Variants in ITGAL observed in about 807,000 individuals in gnomAD.
ITGAL encodes the protein integrin alpha-L.
ITGAL carries 68 observed loss-of-function variants against 138.4 expected under a neutral mutation model. The observed-to-expected ratio is 0.49, with a 90% CI of 0.40 to 0.60. The LOEUF is 0.60. Ranked by LOEUF, ITGAL falls within the 20% of genes least tolerant of loss-of-function variation. ITGAL has a pLI of 0.00. For missense variants in ITGAL, 1,256 were observed against 1,478.6 expected (o/e 0.85, Z 2.47); for synonymous variants, 561 against 584.3 (o/e 0.96, Z 0.57).
Position 30,506,821 on chromosome 16 carries a change from C to T in ITGAL, c.2473C>T (p.Pro825Ser). 3 of 1,613,972 alleles carry T rather than the reference C, an allele frequency of 1.9e-6. No individual in the cohort carries two copies. Among genetic ancestry groups the T allele is most frequent in the Non-Finnish European group, 2.5e-6 (3 of 1,179,914 alleles). The change falls in exon 21 of 31, where the codon CCG becomes TCG. Residue 825 changes from proline (P) to serine (S), a missense_variant. This residue lies in a region of ITGAL where 867 missense variants were observed against 972.5 expected (regional missense o/e 0.89). Coordinates refer to ENST00000356798, the MANE Select transcript of ITGAL (RefSeq NM_002209.3). ...YWVQLDLHFP[P>S]GLSFRKVEML... ...GGTCCAGCTGGACCTGCACTTCCCCCCGGGACTCTCCTTCCGCAAGGTGGA... is the reference window on the plus strand; with the variant it reads ...GGTCCAGCTGGACCTGCACTTCCCCTCGGGACTCTCCTTCCGCAAGGTGGA...
intron 9 of ITGAL, among the ~76,000 whole-genome samples, chr16:30,486,586 G>A (rs569835950): frequency 6.6e-6 from 1 of 152,268 alleles, no homozygotes; most frequent in South Asian, 2.1e-4. Context: ...AGCAATGTGA[G>A]AAAGGTGGAA....
In ITGAL at chr16:30,496,583, A is replaced by G. The variant is rs2050804177; in HGVS notation, c.1832+17A>G. ...CGTGCTGAGGTGAGATGGGTCTCCC[A>G]GGTCACACCTGATGACCCCAGCTCT... On this transcript the variant is annotated intron_variant, in intron 15 of 30. Coordinates refer to ENST00000356798, the MANE Select transcript of ITGAL (RefSeq NM_002209.3). The G allele has an allele frequency of 1.2e-6, 2 of 1,603,094 alleles. No homozygotes were observed. The highest frequency in any genetic ancestry group is 2.7e-5 in the African/African-American group (2 of 74,408).
At chr16:30,510,824 C>A in intron 22 of ITGAL, 57 bp from the exon 23 acceptor site, 1 of 1,301,022 alleles carries the variant, frequency 7.7e-7, no homozygotes, top group Non-Finnish European at 1.1e-6. Flanking sequence ...GATGTGGGGG[C>A]CATGAGGCTG....
rs977872762 is a variant in ITGAL at position 30,475,440 on chromosome 16, G to A, written c.259+40G>A. 5 of 1,602,804 alleles carry A rather than the reference G, an allele frequency of 3.1e-6. No individual in the cohort carries two copies. In the African/African-American group the frequency reaches 4.0e-5, roughly 13 times the overall value. ...GGTGAGCTGGGAGGAATGGGATCTT[G>A]GGGAAACTGAGGCTGGCCCCAGCCC... On this transcript the variant is annotated intron_variant, in intron 3 of 30. Coordinates refer to ENST00000356798, the MANE Select transcript of ITGAL (RefSeq NM_002209.3).
intron 11 of ITGAL, among the ~76,000 whole-genome samples, chr16:30,492,824 G>A (rs1391752178): frequency 2.0e-5 from 3 of 152,040 alleles, no homozygotes; most frequent in South Asian, 2.1e-4. Flanking sequence ...GATTACAGGC[G>A]TGAGCCACCG....
At chr16:30,500,688 T>A (rs1279288759) in intron 17 of ITGAL, among the ~76,000 whole-genome samples, 1 of 152,094 alleles carries the variant, frequency 6.6e-6, no homozygotes, top group Non-Finnish European at 1.5e-5. Flanking sequence ...TAGCTAGGAC[T>A]ACAGGCATGC....
Position 30,494,824 on chromosome 16 carries a change from C to T in ITGAL, c.1477C>T (p.Arg493Trp), listed in dbSNP as rs1050241349. 17 of 1,605,214 alleles carry T rather than the reference C, an allele frequency of 1.1e-5. No individual in the cohort carries two copies. Among genetic ancestry groups the T allele is most frequent in the Middle Eastern group, 1.7e-4 (1 of 6,014 alleles). ...PLFYGEQRGG[R>W]VFIYQRRQLG... ...GTTCTATGGGGAGCAGAGAGGAGGC[C>T]GGGTGTTTATCTACCAGAGAAGACA... Residue 493 changes from arginine to tryptophan, a missense_variant, in exon 13 of 31, where the codon CGG becomes TGG. Arg to Trp is a moderately radical substitution (Grantham distance 101). Coordinates refer to ENST00000356798, the MANE Select transcript of ITGAL (RefSeq NM_002209.3). This position sits in a 1 kb window ranked among gnomAD's most constrained non-coding sequence, Gnocchi z 4.2.
intron 17 of ITGAL, chr16:30,503,944 AGT>A (rs963815780): frequency 5.1e-6 from 2 of 394,688 alleles, no homozygotes; most frequent in African/African-American, 4.2e-5. Flanking sequence ...GGGATTGATT[AGT>A]GATGTCTGCT....
intron 15 of ITGAL, among the ~76,000 whole-genome samples, chr16:30,498,281 T>C (rs927449648): frequency 6.7e-5 from 7 of 104,976 alleles, no homozygotes; most frequent in African/African-American, 1.8e-4. Flanking sequence ...AAAAAAAAAA[T>C]AGGAGCCAGG....
chr16:30,506,426 G>A (rs977530046), intron 20 of ITGAL, among the ~76,000 whole-genome samples: 1 of 150,866 alleles, frequency 6.6e-6, no homozygotes, highest in Non-Finnish European at 1.5e-5. Flanking sequence ...GGGCATGGTG[G>A]TGGGCGCCCG....
At position 30,483,914 on chromosome 16, in the gene ITGAL, TGGCAACATCGATGC is replaced by T; in HGVS notation, c.814_827del (p.Asn272GlnfsTer42). 1 of 1,614,078 alleles carries T rather than the reference TGGCAACATCGATGC, an allele frequency of 6.2e-7. No homozygotes were observed. Among genetic ancestry groups the T allele is most frequent in the Non-Finnish European group, 8.5e-7 (1 of 1,179,974 alleles). ...TCACGGATGGGGAGGCCACTGACAG[TGGCAACATCGATGC>T]GGCCAAAGACATCATCCGCTACATC... is the stretch of plus-strand genomic sequence containing the variant. On this transcript the variant is annotated frameshift_variant, in exon 8 of 31. Transcript: ENST00000356798. LOFTEE classifies it high-confidence loss of function.
intron 7 of ITGAL, 114 bp from the exon 8 acceptor site, chr16:30,483,713 T>C: frequency 8.6e-7 from 1 of 1,166,554 alleles, no homozygotes; most frequent in Non-Finnish European, 1.2e-6. Flanking sequence ...GCCTGGGAGA[T>C]CCAGGAAGGG....
In ITGAL at chr16:30,472,873, G is replaced by T. The variant is rs776804144; in HGVS notation, c.36G>T (p.Ala12=). The change falls in exon 1 of 31, where the codon GCG becomes GCT. Residue 12 remains alanine (A), a synonymous_variant. Transcript: ENST00000356798. ...KDSCITVMAM[A]LLSGFFFFAP... ...CCTGCATCACTGTGATGGCCATGGC[G>T]CTGCTGTCTGGGTTCTTTTTCTTCG... is the stretch of plus-strand genomic sequence containing the variant. 2 of 1,613,044 alleles carry T rather than the reference G, an allele frequency of 1.2e-6. No homozygotes were observed. The highest frequency in any genetic ancestry group is 2.7e-5 in the African/African-American group (2 of 75,030).
Position 30,479,436 on chromosome 16 carries a change from A to C in ITGAL, c.551A>C (p.Lys184Thr). 1.2e-6 allele frequency: 2 copies of C among 1,614,142 alleles called. No individual in the cohort carries two copies. The highest frequency in any genetic ancestry group is 1.7e-6 in the Non-Finnish European group (2 of 1,180,014). ...CTGGACTTCATGAAGGATGTGATGA[A>C]GAAACTCAGCAACACTTCGTACCAG... ...KILDFMKDVM[K>T]KLSNTSYQFA... The change falls in exon 6 of 31, where the codon AAG becomes ACG. Residue 184 changes from lysine (K) to threonine (T), a missense_variant. This residue lies in a region of ITGAL where 177 missense variants were observed against 288.8 expected (regional missense o/e 0.61). Coordinates refer to ENST00000356798, the MANE Select transcript of ITGAL (RefSeq NM_002209.3).
At chr16:30,481,921 C>T (rs1346265754) in intron 7 of ITGAL, among the ~76,000 whole-genome samples, 3 of 152,002 alleles carry the variant, frequency 2.0e-5, no homozygotes, top group Non-Finnish European at 4.4e-5. Context: ...GATGGAGTTT[C>T]GCTCTTGTTG....
rs769413710 is a variant in ITGAL at position 30,484,281 on chromosome 16, G to A, written c.1006+18G>A. ...CATTGAGGGTGAGTGGCAGGCCCTG[G>A]GAGAGGGCTCGGGAGTCTGCATAAA... On this transcript the variant is annotated intron_variant, in intron 9 of 30. Transcript: ENST00000356798. The A allele has an allele frequency of 2.5e-6, 4 of 1,608,696 alleles. No individual in the cohort carries two copies. Among genetic ancestry groups the A allele is most frequent in the African/African-American group, 1.3e-5 (1 of 74,920 alleles).
rs748682833 is a variant in ITGAL at position 30,481,497 on chromosome 16, T to C, written c.635T>C (p.Val212Ala). 2 of 1,613,448 alleles carry C rather than the reference T, an allele frequency of 1.2e-6. No individual in the cohort carries two copies. The highest frequency in any genetic ancestry group is 1.7e-6 in the Non-Finnish European group (2 of 1,179,454). The part of the protein sequence containing the change: ...YKTEFDFSDY[V>A]KRKDPDALLK... ...ACAGAATTTGATTTCTCAGATTATG[T>C]TAAACGGAAGGACCCTGATGCTCTG... Residue 212 changes from valine to alanine, a missense_variant, in exon 7 of 31, where the codon GTT (valine) becomes GCT (alanine). Transcript: ENST00000356798.
intron 17 of ITGAL, among the ~76,000 whole-genome samples, chr16:30,502,023 ACTCTGT>A (rs1482588200): frequency 6.6e-6 from 1 of 151,886 alleles, no homozygotes; most frequent in East Asian, 1.9e-4. Flanking sequence ...ACAGAATGAG[ACTCTGT>A]CTCCAAAACA....
At chr16:30,503,067 G>A (rs553296644) in intron 17 of ITGAL, among the ~76,000 whole-genome samples, 33 of 151,972 alleles carry the variant, frequency 2.2e-4, no homozygotes, top group African/African-American at 7.2e-4. Context: ...CACCCACCTC[G>A]GCATCCCAAA....
Sources: gnomAD v4.1 joint callset for allele counts (sites outside exome capture counted in the v4.1 genomes callset) on GRCh38, gnomAD v4.1.1 for gene constraint, gnomAD v4.1.1 regional missense constraint, Gnocchi (gnomAD v3.1) non-coding constraint, MANE v1.5 for transcripts, NCBI Gene and HGNC (gene_info 2026-07-23, HGNC 2026-07-21) for gene names.